Variants in CHL1 observed in about 807,000 individuals in gnomAD.
CHL1 encodes cell adhesion molecule L1 like.
In CHL1, 96 loss-of-function variants were observed where a neutral mutation model predicts 141.9. That is an observed-to-expected ratio of 0.68 (90% CI 0.57 to 0.80). The LOEUF is 0.80. Ranked by LOEUF, CHL1 falls within the 30% of genes least tolerant of loss-of-function variation. CHL1 has a pLI of 0.00. For missense variants in CHL1, 1,820 were observed against 1,457.2 expected (o/e 1.25, Z -4.05); for synonymous variants, 613 against 502.2 (o/e 1.22, Z -2.95).
At chr3:310,009 C>A (rs978408324) in intron 2 of CHL1, among the ~76,000 whole-genome samples, 1 of 152,018 alleles carries the variant, frequency 6.6e-6, no homozygotes, top group Admixed American at 6.6e-5. Context: ...CCTGGAAGTG[C>A]CTCATTTCTT....
intron 2 of CHL1, among the ~76,000 whole-genome samples, chr3:296,675 C>G (rs1222277785): frequency 6.6e-6 from 1 of 152,034 alleles, no homozygotes; most frequent in Non-Finnish European, 1.5e-5. Context: ...AGGTCATGAG[C>G]CTGCACTTGG....
intron 1 of CHL1, among the ~76,000 whole-genome samples, chr3:221,664 A>G (rs1201042115): frequency 6.6e-6 from 1 of 152,228 alleles, no homozygotes; most frequent in Non-Finnish European, 1.5e-5. Flanking sequence ...ATGCATCAAC[A>G]GTACTTGGCA....
intron 2 of CHL1, among the ~76,000 whole-genome samples, chr3:267,576 TA>T (rs150545051): frequency 0.19 from 28,652 of 152,138 alleles, 2,782 homozygotes; most frequent in South Asian, 0.26. Flanking sequence ...GCAAAATCTG[TA>T]AAATTCCTTT....
chr3:338,745 A>C (rs1702133151), intron 5 of CHL1, among the ~76,000 whole-genome samples: 1 of 152,196 alleles, frequency 6.6e-6, no homozygotes, highest in Non-Finnish European at 1.5e-5. Flanking sequence ...GTTTTGGTAG[A>C]GTTATAAATT....
chr3:318,093 G>T (rs994999296), intron 2 of CHL1, among the ~76,000 whole-genome samples: 1 of 151,792 alleles, frequency 6.6e-6, no homozygotes, highest in Admixed American at 6.6e-5. Flanking sequence ...CTTTTTTGGA[G>T]GTGGGAGGGT....
intron 26 of CHL1, among the ~76,000 whole-genome samples, chr3:400,900 C>CTTTT (rs71058770): frequency 0.025 from 2,816 of 112,332 alleles, 155 homozygotes; most frequent in African/African-American, 0.07. Flanking sequence ...AAATGACTGC[C>CTTTT]TTTTTTTTTT....
Position 401,704 on chromosome 3 carries a change from C to T in CHL1, c.3458+6C>T, listed in dbSNP as rs185448046. The T allele has an allele frequency of 8.1e-4, 1,232 of 1,519,618 alleles. 29 individuals carry two copies. In the Admixed American group the frequency reaches 0.022, roughly 27 times the overall value. 94.1% of individuals were successfully genotyped at this position (1,519,618 alleles called of 1,614,324 possible). On this transcript the variant is annotated splice_donor_region_variant and intron_variant, in intron 27 of 27. Coordinates refer to ENST00000256509, the MANE Select transcript of CHL1 (RefSeq NM_006614.4). The stretch of plus-strand genomic sequence containing the variant: ...GAAACCTTTGGTGAATACAGGTAAA[C>T]ATAAGGTTCTGTTGTAAAATAAAAC...
chr3:209,843 G>A (rs894245793), intron 1 of CHL1, among the ~76,000 whole-genome samples: 6 of 152,208 alleles, frequency 3.9e-5, no homozygotes, highest in African/African-American at 1.4e-4. Flanking sequence ...TCCAAGGTAG[G>A]TGCCGTTGTT....
intron 15 of CHL1, chr3:373,767 C>T (rs1040270763): frequency 6.6e-6 from 1 of 152,330 alleles, no homozygotes; most frequent in African/African-American, 2.4e-5. Flanking sequence ...GTCTTCCAAT[C>T]CATGGGTTTC....
In CHL1 at chr3:408,353, A is replaced by G. The variant is rs1709660580; in HGVS notation, c.*2642A>G. On this transcript the variant is annotated 3_prime_UTR_variant, in exon 28 of 28. Transcript: ENST00000256509. ...GTTGGTGGGCATGAGTTCCTAGAGA[A>G]CTGTCCAAGGGTTGGGAAAATCCAA... 6.6e-6 allele frequency: 1 copy of G among 152,054 alleles called. No homozygotes were observed. Among genetic ancestry groups the G allele is most frequent in the Non-Finnish European group, 1.5e-5 (1 of 67,992 alleles). The allele number at this position is 152,054 out of a possible 1,614,324, so 9.4% of individuals were successfully genotyped here. A position where few individuals can be genotyped will look rare whatever the true frequency, so the allele number is the denominator to read the frequency against.
At chr3:284,141 T>C (rs1444699222) in intron 2 of CHL1, among the ~76,000 whole-genome samples, 1 of 152,072 alleles carries the variant, frequency 6.6e-6, no homozygotes, top group Non-Finnish European at 1.5e-5. Context: ...TGGAACTAGA[T>C]AAAACAACGA....
At chr3:296,221 C>T (rs1345662014) in intron 2 of CHL1, among the ~76,000 whole-genome samples, 2 of 152,074 alleles carry the variant, frequency 1.3e-5, no homozygotes, top group African/African-American at 4.8e-5. Context: ...TTATTCCTGG[C>T]CTATCATTCA....
intron 2 of CHL1, among the ~76,000 whole-genome samples, chr3:297,976 G>A (rs1397054423): frequency 6.6e-6 from 1 of 152,142 alleles, no homozygotes; most frequent in Admixed American, 6.5e-5. Context: ...TAAGGTACAG[G>A]GGTAGAGAAT....
chr3:333,124 A>ATCTTTTTTTTTTTTTTTTT (rs1701575823), intron 5 of CHL1, among the ~76,000 whole-genome samples: 1 of 83,310 alleles, frequency 1.2e-5, no homozygotes, highest in African/African-American at 4.6e-5. Flanking sequence ...TAATTGCTCT[A>ATCTTTTTTTTTTTTTTTTT]TTTTTTTTAT....
chr3:391,802 G>A lies in CHL1; in HGVS notation c.2914+5G>A. ...ATCTTTTGCAATATCAGATAAGTAA[G>A]TAGAAATTTGAATTGGAGTTAACTT... On this transcript the variant is annotated splice_donor_5th_base_variant and intron_variant, in intron 23 of 27. Coordinates refer to ENST00000256509, the MANE Select transcript of CHL1 (RefSeq NM_006614.4). 6.3e-7 allele frequency: 1 copy of A among 1,576,700 alleles called. No homozygotes were observed. The highest frequency in any genetic ancestry group is 8.6e-7 in the Non-Finnish European group (1 of 1,162,200).
chr3:313,196 C>A (rs762771644), intron 2 of CHL1, among the ~76,000 whole-genome samples: 1 of 151,984 alleles, frequency 6.6e-6, no homozygotes, highest in African/African-American at 2.4e-5. Flanking sequence ...AAAATGGTGA[C>A]GATAAGAGTC....
intron 1 of CHL1, among the ~76,000 whole-genome samples, chr3:230,798 C>A (rs1691119040): frequency 6.6e-6 from 1 of 152,120 alleles, no homozygotes; most frequent in East Asian, 1.9e-4. Context: ...AGCAATTACA[C>A]TAGATTTTAT....
chr3:353,015 C>T lies in CHL1; in HGVS notation c.1034-1625C>T, dbSNP rs543561001. Among the ~76,000 whole-genome samples the T allele has an allele frequency of 3.2e-4, 48 of 152,294 alleles. 1 individual carries two copies. In the South Asian group the frequency reaches 9.5e-3, roughly 30 times the overall value. ...TGGCGAGAACAGGAACTGGAGCTTC[C>T]TTTGCTGGTGGGCCTGGGCAAGTTA... On this transcript the variant is annotated intron_variant, in intron 10 of 27. Transcript: ENST00000256509.
intron 20 of CHL1, 134 bp downstream of exon 20, chr3:389,608 A>G: frequency 1.5e-6 from 1 of 661,262 alleles, no homozygotes; most frequent in East Asian, 2.7e-5. Context: ...GATAAAAACA[A>G]ATATAACACA....
Sources: allele counts gnomAD v4.1 joint callset (sites outside exome capture counted in the v4.1 genomes callset), GRCh38; gene constraint gnomAD v4.1.1; transcripts MANE v1.5; gene names NCBI Gene and HGNC (gene_info 2026-07-23, HGNC 2026-07-21).